The following GAS7 variants were observed in gnomAD, a reference collection of about 807,000 sequenced individuals.
GAS7 encodes growth arrest-specific protein 7.
GAS7 carries 28 observed loss-of-function variants against 71.1 expected under a neutral mutation model. That is an observed-to-expected ratio of 0.39 (90% CI 0.29 to 0.54). The LOEUF is 0.54. Among genes scored for constraint, GAS7 ranks in the 20% least tolerant of loss-of-function variants. The pLI is 0.62. For synonymous variants in GAS7, 258 were observed against 245.8 expected (o/e 1.05, Z -0.46); for missense variants, 436 against 627.8 (o/e 0.69, Z 3.27).
chr17:10,031,671 T>G (rs77340628), intron 1 of GAS7, among the ~76,000 whole-genome samples: 1 of 152,138 alleles, frequency 6.6e-6, no homozygotes, highest in Non-Finnish European at 1.5e-5. Flanking sequence ...GCTGTACGAA[T>G]GTAAGACAGA....
intron 1 of GAS7, among the ~76,000 whole-genome samples, chr17:10,080,348 C>T (rs2073445405): frequency 6.6e-6 from 1 of 152,188 alleles, no homozygotes; most frequent in Admixed American, 6.5e-5. Context: ...GCCCCTGCCA[C>T]CTTTCCTGGA....
chr17:10,088,233 A>AATAATAATC (rs1190511272), intron 1 of GAS7, among the ~76,000 whole-genome samples: 5 of 146,976 alleles, frequency 3.4e-5, no homozygotes, highest in African/African-American at 1.2e-4. Flanking sequence ...TAATAATAAT[A>AATAATAATC]ATAATAATAA....
chr17:10,006,229 C>G (rs1481433734), intron 2 of GAS7, among the ~76,000 whole-genome samples: 1 of 151,660 alleles, frequency 6.6e-6, no homozygotes, highest in Non-Finnish European at 1.5e-5. Flanking sequence ...ACTCTAGGTT[C>G]CTTGAAGGCA....
intron 12 of GAS7, among the ~76,000 whole-genome samples, chr17:9,918,812 T>C (rs890886306): frequency 6.6e-6 from 1 of 152,146 alleles, no homozygotes; most frequent in Non-Finnish European, 1.5e-5. Flanking sequence ...TTACTCTGCA[T>C]ACAACTAGGT....
In GAS7 at chr17:9,912,662, C is replaced by G. The variant is rs2067469611; in HGVS notation, c.*4566G>C. 8.6e-6 allele frequency: 2 copies of G among 232,662 alleles called. No homozygotes were observed. Among genetic ancestry groups the G allele is most frequent in the Non-Finnish European group, 1.7e-5 (2 of 117,744 alleles). 14.4% of individuals were successfully genotyped at this position (232,662 alleles called of 1,614,324 possible). A position where few individuals can be genotyped will look rare whatever the true frequency, so the allele number is the denominator to read the frequency against. On this transcript the variant is annotated 3_prime_UTR_variant, in exon 14 of 14. Coordinates refer to ENST00000432992, the MANE Select transcript of GAS7 (RefSeq NM_201433.2). ...GGATTCTTTCTGCACTACCAAAAAC[C>G]CACCACGCGCCAAAAGGCGAGTGTG...
chr17:10,050,682 A>G (rs2073050861), intron 1 of GAS7, among the ~76,000 whole-genome samples: 1 of 152,220 alleles, frequency 6.6e-6, no homozygotes, highest in African/African-American at 2.4e-5. Flanking sequence ...GTCTGTTAGC[A>G]GCCAGGCAAA....
intron 1 of GAS7, among the ~76,000 whole-genome samples, chr17:10,076,722 T>C (rs1465002712): frequency 1.3e-5 from 2 of 152,156 alleles, no homozygotes; most frequent in Non-Finnish European, 2.9e-5. Flanking sequence ...GTTGAAAACA[T>C]TGGAGAAACT....
At chr17:10,080,717 C>T (rs985644069) in intron 1 of GAS7, among the ~76,000 whole-genome samples, 1 of 152,154 alleles carries the variant, frequency 6.6e-6, no homozygotes, top group South Asian at 2.1e-4. Flanking sequence ...CATTTTAATG[C>T]AATAGTTGTT....
chr17:10,043,053 G>A (rs1015415962), intron 1 of GAS7, among the ~76,000 whole-genome samples: 4 of 152,072 alleles, frequency 2.6e-5, no homozygotes, highest in African/African-American at 9.7e-5. Context: ...CAGAGATGGT[G>A]GTGAGATCCT....
At chr17:9,968,189 A>C (rs1394470398) in intron 4 of GAS7, among the ~76,000 whole-genome samples, 1 of 152,198 alleles carries the variant, frequency 6.6e-6, no homozygotes, top group African/African-American at 2.4e-5. Context: ...TGTGTTGAGA[A>C]GGCAAGCTGG....
chr17:9,988,269 T>C (rs2070714656), intron 2 of GAS7, among the ~76,000 whole-genome samples: 1 of 152,212 alleles, frequency 6.6e-6, no homozygotes, highest in African/African-American at 2.4e-5. Context: ...CAGGTTTTTC[T>C]AGTCAGATGG....
intron 1 of GAS7, among the ~76,000 whole-genome samples, chr17:10,120,652 C>A (rs1259199411): frequency 6.6e-6 from 1 of 152,176 alleles, no homozygotes; most frequent in Non-Finnish European, 1.5e-5. Context: ...GCGGAGGTTG[C>A]AGTGAGCCAA....
intron 1 of GAS7, among the ~76,000 whole-genome samples, chr17:10,116,327 AT>A (rs1157555684): frequency 2.7e-5 from 4 of 146,752 alleles, no homozygotes; most frequent in Non-Finnish European, 6.0e-5. Context: ...AAAAAAAAAA[AT>A]GTTGGGTTTA....
At chr17:10,003,739 C>T (rs1046846074) in intron 2 of GAS7, among the ~76,000 whole-genome samples, 6 of 152,208 alleles carry the variant, frequency 3.9e-5, no homozygotes, top group Admixed American at 2.0e-4. Context: ...TGACAAGACC[C>T]TCATGCCATC....
Position 9,926,943 on chromosome 17 carries a change from T to TCTCA in GAS7, c.886-178_886-175dup, listed in dbSNP as rs543389371. ...CCCTGACACGTGGCTGCCTATCAGG[T>TCTCA]CTCAGCTTAGGCAGGTCACCTTAGC... On this transcript the variant is annotated intron_variant, in intron 9 of 13. Coordinates refer to ENST00000432992, the MANE Select transcript of GAS7 (RefSeq NM_201433.2). The surrounding 1 kb of genome is among the most constrained non-coding windows in gnomAD (Gnocchi z 5.0). The TCTCA allele has an allele frequency of 1.9e-3, 1,229 of 648,116 alleles. 17 individuals carry two copies. Among genetic ancestry groups the TCTCA allele is most frequent in the East Asian group, 0.013 (482 of 36,562 alleles). The allele number at this position is 648,116 out of a possible 1,614,324, so 40.1% of individuals were successfully genotyped here.
intron 1 of GAS7, among the ~76,000 whole-genome samples, chr17:10,167,383 A>G (rs1286119519): frequency 1.3e-5 from 2 of 152,224 alleles, no homozygotes; most frequent in Admixed American, 6.5e-5. Flanking sequence ...GTTTAAAGTT[A>G]TATCTGTAAA....
At chr17:10,083,791 A>G (rs995968193) in intron 1 of GAS7, among the ~76,000 whole-genome samples, 5 of 152,226 alleles carry the variant, frequency 3.3e-5, no homozygotes, top group African/African-American at 1.2e-4. Flanking sequence ...GTGAGTATGC[A>G]AAAAAGGTTA....
rs774856674 is a variant in GAS7 at position 9,926,686 on chromosome 17, G to A, written c.969C>T (p.Ala323=). The A allele has an allele frequency of 2.6e-5, 42 of 1,613,772 alleles. No individual in the cohort carries two copies. The East Asian group carries it at 6.0e-4, about 23-fold the overall frequency. The change falls in exon 10 of 14, where the codon GCC becomes GCT. Residue 323 remains alanine (A), a synonymous_variant. Coordinates refer to ENST00000432992, the MANE Select transcript of GAS7 (RefSeq NM_201433.2). This position sits in a 1 kb window ranked among gnomAD's most constrained non-coding sequence, Gnocchi z 5.0. The stretch of plus-strand genomic sequence containing the variant: ...GGCTGGCGAGCTGCTTGCGAAGGTC[G>A]GCAATGTGGTGGTCGCACTTCTTCA... ...KDMKKCDHHI[A]DLRKQLASRY...
At chr17:9,939,183 T>C (rs1210545364) in intron 8 of GAS7, among the ~76,000 whole-genome samples, 1 of 152,230 alleles carries the variant, frequency 6.6e-6, no homozygotes, top group African/African-American at 2.4e-5. Context: ...GGTCACATGG[T>C]AATTCTATGT....
Sources: gnomAD v4.1 joint callset for allele counts (sites outside exome capture counted in the v4.1 genomes callset) on GRCh38, gnomAD v4.1.1 for gene constraint, Gnocchi (gnomAD v3.1) non-coding constraint, MANE v1.5 for transcripts, NCBI Gene and HGNC (gene_info 2026-07-23, HGNC 2026-07-21) for gene names.